Variants in CCNB3 observed in about 807,000 individuals in gnomAD.
The protein encoded by CCNB3 is G2/mitotic-specific cyclin-B3.
Under a neutral mutation model 68.0 loss-of-function variants are expected in CCNB3, and 12 were observed. The ratio of observed to expected loss-of-function variants is 0.18; its 90% CI spans 0.11 to 0.29. The LOEUF (loss-of-function observed/expected upper bound fraction) is 0.29, where lower values mean the gene tolerates loss of function less well. Among genes scored for constraint, CCNB3 ranks in the 10% least tolerant of loss-of-function variants. CCNB3 has a pLI of 1.00. For missense variants in CCNB3, 904 were observed against 993.1 expected (o/e 0.91, Z 1.21); for synonymous variants, 354 against 388.9 (o/e 0.91, Z 1.06).
At chrX:50,224,248 A>G (rs921261598) in intron 1 of CCNB3, among the ~76,000 whole-genome samples, 43 of 111,235 alleles carry the variant, frequency 3.9e-4, no homozygotes, top group Non-Finnish European at 6.4e-4. Context: ...TCCACCTGTA[A>G]TATACTTTCA....
intron 1 of CCNB3, among the ~76,000 whole-genome samples, chrX:50,222,623 T>C (rs1935690382): frequency 8.9e-6 from 1 of 111,985 alleles, no homozygotes; most frequent in Non-Finnish European, 1.9e-5. Context: ...ATAGGGTTTC[T>C]GCAGAGAGAT....
intron 1 of CCNB3, among the ~76,000 whole-genome samples, chrX:50,223,790 C>A (rs988180163): frequency 7.1e-4 from 80 of 111,948 alleles, no homozygotes; most frequent in Admixed American, 4.7e-3. Flanking sequence ...AGAGCTCGAG[C>A]ACTGTGCTGG....
At chrX:50,281,449 C>T (rs1227396368) in intron 1 of CCNB3, among the ~76,000 whole-genome samples, 2 of 111,140 alleles carry the variant, frequency 1.8e-5, no homozygotes, top group Non-Finnish European at 3.8e-5. Flanking sequence ...GAGGTAGGCG[C>T]CTTTGGGCAA....
At chrX:50,226,616 T>C (rs1409027718) in intron 1 of CCNB3, among the ~76,000 whole-genome samples, 19 of 80,761 alleles carry the variant, frequency 2.4e-4, no homozygotes, top group Non-Finnish European at 4.4e-5. Flanking sequence ...TCTATAAATA[T>C]ATATATAGAA....
Position 50,310,293 on chromosome X carries a change from G to A in CCNB3, c.2124G>A (p.Lys708=). The A allele has an allele frequency of 8.3e-7, 1 of 1,211,744 alleles. No homozygotes were observed. The highest frequency in any genetic ancestry group is 1.1e-6 in the Non-Finnish European group (1 of 895,288). ...CTGATGCCGAAGAGGATTCCTTGAAGAACTTGTTGGCTTTGCAGGAGAAAA... is the reference window on the plus strand; with the variant it reads ...CTGATGCCGAAGAGGATTCCTTGAAAAACTTGTTGGCTTTGCAGGAGAAAA... ...EKTDAEEDSL[K]NLLALQEKST... Residue 708 remains lysine, a synonymous_variant, in exon 6 of 13, where the codon AAG becomes AAA. Transcript: ENST00000376042.
intron 5 of CCNB3, among the ~76,000 whole-genome samples, chrX:50,296,039 G>A (rs782436550): frequency 9.0e-6 from 1 of 111,581 alleles, no homozygotes; most frequent in Non-Finnish European, 1.9e-5. Context: ...TCTGGAGTTT[G>A]CATGCATATT....
At chrX:50,214,629 T>A (rs1935539059) in intron 1 of CCNB3, among the ~76,000 whole-genome samples, 1 of 98,958 alleles carries the variant, frequency 1.0e-5, no homozygotes, top group South Asian at 4.6e-4. Context: ...ATATTGTATT[T>A]TATGTATAAT....
At chrX:50,204,332 T>A (rs782268223), upstream of CCNB3, among the ~76,000 whole-genome samples, 1 of 110,375 alleles carries the variant, frequency 9.1e-6, no homozygotes, top group African/African-American at 3.3e-5. Context: ...GGGTCTGGAG[T>A]GGGGACTGAG....
chrX:50,294,520 A>T (rs61274366), intron 4 of CCNB3, among the ~76,000 whole-genome samples: 2,590 of 111,448 alleles, frequency 0.023, 64 homozygotes, highest in African/African-American at 0.081. Flanking sequence ...GTCAAAGTGG[A>T]GTATGATGTT....
intron 5 of CCNB3, among the ~76,000 whole-genome samples, chrX:50,297,784 G>C (rs1557211478): frequency 1.8e-5 from 2 of 111,404 alleles, no homozygotes; most frequent in Non-Finnish European, 3.8e-5. Flanking sequence ...TCTTCCATTT[G>C]TTTGTATCCT....
chrX:50,298,430 A>G (rs1936530823), intron 5 of CCNB3, among the ~76,000 whole-genome samples: 1 of 111,997 alleles, frequency 8.9e-6, no homozygotes, highest in Non-Finnish European at 1.9e-5. Flanking sequence ...ATGCTGGATT[A>G]CGTTTATTGA....
chrX:50,296,130 T>C (rs1936454263), intron 5 of CCNB3, among the ~76,000 whole-genome samples: 1 of 110,169 alleles, frequency 9.1e-6, no homozygotes, highest in Admixed American at 9.7e-5. Context: ...CTTTGTTTTT[T>C]TATTATTATT....
intron 8 of CCNB3, among the ~76,000 whole-genome samples, chrX:50,340,805 C>T (rs1454651670): frequency 1.8e-5 from 2 of 111,004 alleles, no homozygotes; most frequent in African/African-American, 6.6e-5. Context: ...GAAGGCAAGA[C>T]AAGGATACAT....
At chrX:50,295,077 C>G in intron 5 of CCNB3, 84 bp downstream of exon 5, 1 of 994,691 alleles carries the variant, frequency 1.0e-6, no homozygotes, top group Non-Finnish European at 1.4e-6. Context: ...ACATATTTAG[C>G]AAGCCACAAT....
intron 1 of CCNB3, among the ~76,000 whole-genome samples, chrX:50,279,537 A>G (rs1287772558): frequency 1.2e-5 from 1 of 84,826 alleles, no homozygotes; most frequent in Non-Finnish European, 2.2e-5. Context: ...ATATGAATAT[A>G]TATTCATATA....
chrX:50,202,766 C>T (rs1935287514), upstream of CCNB3: 1 of 111,532 alleles, frequency 9.0e-6, no homozygotes, highest in Admixed American at 9.5e-5. Context: ...GAGCACTCTC[C>T]CAGGGCACCT....
chrX:50,305,664 A>C (rs1048716465), intron 5 of CCNB3, among the ~76,000 whole-genome samples: 2 of 110,782 alleles, frequency 1.8e-5, no homozygotes, highest in Non-Finnish European at 3.8e-5. Context: ...TTAAAAAAAA[A>C]GAATCAGCTT....
At chrX:50,227,402 A>C (rs1935892154) in intron 1 of CCNB3, among the ~76,000 whole-genome samples, 1 of 88,247 alleles carries the variant, frequency 1.1e-5, no homozygotes, top group Non-Finnish European at 2.1e-5. Context: ...ATATATAAAA[A>C]TATATACAGA....
At chrX:50,227,634 CATATATATAGAGAGAATAT>C (rs1935908637) in intron 1 of CCNB3, among the ~76,000 whole-genome samples, 2 of 9,120 alleles carry the variant, frequency 2.2e-4, no homozygotes, top group African/African-American at 7.7e-4. Context: ...AGAGAGAATA[CATATATATAGAGAGAATAT>C]ATATAAAAAT....
Sources: allele counts gnomAD v4.1 joint callset (sites outside exome capture counted in the v4.1 genomes callset), GRCh38; gene constraint gnomAD v4.1.1; transcripts MANE v1.5; gene names NCBI Gene and HGNC (gene_info 2026-07-23, HGNC 2026-07-21).